The following CACNA1C variants were observed in gnomAD, a reference collection of about 807,000 sequenced individuals.
CACNA1C encodes calcium voltage-gated channel subunit alpha1 C.
A neutral mutation model predicts 229.0 loss-of-function variants in CACNA1C; 30 were observed. That is an observed-to-expected ratio of 0.13 (90% CI 0.10 to 0.18). The LOEUF (loss-of-function observed/expected upper bound fraction) is 0.18, where lower values mean the gene tolerates loss of function less well. CACNA1C is among the 10% of genes least tolerant of loss of function. The pLI, the probability that CACNA1C is intolerant of heterozygous loss-of-function variation, is 1.00. For synonymous variants in CACNA1C, 1,114 were observed against 1,132.5 expected, an observed-to-expected ratio of 0.98 and a Z score of 0.33; for missense variants, 1,658 against 2,845.0, an observed-to-expected ratio of 0.58 and a Z score of 9.49.
chr12:2,047,941 C>G (rs994370062), intron 1 of CACNA1C, among the ~76,000 whole-genome samples: 1 of 152,154 alleles, frequency 6.6e-6, no homozygotes, highest in South Asian at 2.1e-4. Flanking sequence ...CCCTTGTTTG[C>G]CTTTCACCAC....
chr12:2,158,550 A>G (rs568355076), intron 3 of CACNA1C, among the ~76,000 whole-genome samples: 130 of 152,282 alleles, frequency 8.5e-4, no homozygotes, highest in African/African-American at 3.1e-3. Flanking sequence ...GTTTCTAGAA[A>G]GAAGAAATGT....
intron 10 of CACNA1C, among the ~76,000 whole-genome samples, chr12:2,555,678 C>T (rs1392841982): frequency 2.0e-5 from 3 of 152,216 alleles, no homozygotes; most frequent in Admixed American, 6.5e-5. Flanking sequence ...GCAGTCTTTG[C>T]GGGTGGGATG....
chr12:2,687,365 G>A (rs1338090801), intron 45 of CACNA1C, among the ~76,000 whole-genome samples: 1 of 152,166 alleles, frequency 6.6e-6, no homozygotes, highest in East Asian at 1.9e-4. Context: ...TGTGACCCTA[G>A]AGGTGGTCTT....
chr12:2,154,699 C>G (rs146461434), intron 3 of CACNA1C, among the ~76,000 whole-genome samples: 1 of 152,220 alleles, frequency 6.6e-6, no homozygotes, highest in Non-Finnish European at 1.5e-5. Context: ...AGAACGCCCC[C>G]CTCTCTGATG....
At chr12:2,527,290 G>A (rs1219162532) in intron 9 of CACNA1C, among the ~76,000 whole-genome samples, 1 of 152,154 alleles carries the variant, frequency 6.6e-6, no homozygotes, top group African/African-American at 2.4e-5. Flanking sequence ...GGCCAGCACT[G>A]TTAAAGAATG....
rs1452677719 is a variant in CACNA1C, at chr12:2,085,212, T to C, written c.50-30012T>C. On this transcript the variant is annotated intron_variant, in intron 1 of 46. Coordinates refer to ENST00000399655, the MANE Select transcript of CACNA1C (RefSeq NM_000719.7). ...TGGATCAGCCAACTGCAGACCCTCC[T>C]GAGTGTATTAATCACACTGGTGATG... 2.6e-5 allele frequency among the ~76,000 whole-genome samples: 4 copies of C among 152,232 alleles called. No individual in the cohort carries two copies. The East Asian group carries it at 7.7e-4, about 29-fold the overall frequency.
intron 1 of CACNA1C, chr12:2,004,250 G>A (rs2042891166): frequency 5.0e-6 from 8 of 1,611,434 alleles, no homozygotes; most frequent in Non-Finnish European, 6.8e-6. Flanking sequence ...CCCCAACCCT[G>A]GGCTGCACTG....
chr12:2,063,238 G>A (rs1353630684), intron 1 of CACNA1C, among the ~76,000 whole-genome samples: 2 of 150,106 alleles, frequency 1.3e-5, no homozygotes, highest in African/African-American at 2.5e-5. Context: ...TGCAACCTCC[G>A]ACTCCCTGGT....
rs1379595275 is a variant in CACNA1C, at chr12:2,415,990, C to T, written c.478-32986C>T. Among the ~76,000 whole-genome samples, 8 of 152,126 alleles carry T rather than the reference C, an allele frequency of 5.3e-5. No individual in the cohort carries two copies. The East Asian group carries it at 9.6e-4, about 18-fold the overall frequency. On this transcript the variant is annotated intron_variant, in intron 3 of 46. Coordinates refer to ENST00000399655, the MANE Select transcript of CACNA1C (RefSeq NM_000719.7). ...TCCTCTCCCCTTCCCTTTCTGTCCT[C>T]TCAGAGGAGCCCAGGTTTCAGGCTT...
intron 3 of CACNA1C, among the ~76,000 whole-genome samples, chr12:2,379,287 G>C (rs1397817021): frequency 6.6e-6 from 1 of 152,200 alleles, no homozygotes; most frequent in Non-Finnish European, 1.5e-5. Context: ...CCATGTAACG[G>C]TGATGATAGG....
intron 45 of CACNA1C, among the ~76,000 whole-genome samples, chr12:2,687,099 T>C (rs557332188): frequency 5.3e-5 from 8 of 152,226 alleles, no homozygotes; most frequent in African/African-American, 1.9e-4. Flanking sequence ...AATAAACAGG[T>C]TTTCTTAGCC....
intron 3 of CACNA1C, among the ~76,000 whole-genome samples, chr12:2,261,335 G>A (rs1313212038): frequency 6.6e-6 from 1 of 152,168 alleles, no homozygotes; most frequent in African/African-American, 2.4e-5. Context: ...AAACAGAAGA[G>A]TGACATTGCT....
chr12:2,219,937 A>G (rs1006312851), intron 3 of CACNA1C, among the ~76,000 whole-genome samples: 12 of 152,164 alleles, frequency 7.9e-5, no homozygotes, highest in African/African-American at 2.9e-4. Flanking sequence ...AGAGCACTCT[A>G]TGATGTTGGT....
At chr12:2,618,465 G>A (rs995772116) in intron 29 of CACNA1C, among the ~76,000 whole-genome samples, 7 of 152,332 alleles carry the variant, frequency 4.6e-5, no homozygotes, top group Admixed American at 1.3e-4. Flanking sequence ...TCAGAGCAGC[G>A]GCTCATCAGC....
chr12:2,537,898 G>A (rs1568296591), intron 9 of CACNA1C, among the ~76,000 whole-genome samples: 1 of 152,056 alleles, frequency 6.6e-6, no homozygotes, highest in Non-Finnish European at 1.5e-5. Context: ...GGTGGGGTGG[G>A]GGTGGGAGAG....
intron 10 of CACNA1C, among the ~76,000 whole-genome samples, chr12:2,554,840 G>A (rs1356956541): frequency 1.3e-5 from 2 of 152,320 alleles, no homozygotes; most frequent in Non-Finnish European, 2.9e-5. Context: ...GCTGAGCAGT[G>A]TCCTCCCCTT....
At chr12:2,550,448 A>G in intron 10 of CACNA1C, 2 of 1,072,678 alleles carry the variant, frequency 1.9e-6, no homozygotes, top group Non-Finnish European at 2.5e-6. Context: ...TTCCATTCTG[A>G]TAAATGTGAC....
chr12:2,530,532 A>C (rs1035907558), intron 9 of CACNA1C, among the ~76,000 whole-genome samples: 23 of 152,286 alleles, frequency 1.5e-4, no homozygotes, highest in African/African-American at 5.3e-4. Flanking sequence ...GGCCAGAAGG[A>C]CCATGATGGA....
intron 3 of CACNA1C, among the ~76,000 whole-genome samples, chr12:2,363,469 G>A (rs897314722): frequency 6.6e-6 from 1 of 152,170 alleles, no homozygotes; most frequent in African/African-American, 2.4e-5. Flanking sequence ...TTCAGCTGTC[G>A]GAGGAGAGGT....
Sources: allele counts gnomAD v4.1 joint callset (sites outside exome capture counted in the v4.1 genomes callset), GRCh38; gene constraint gnomAD v4.1.1; transcripts MANE v1.5; gene names NCBI Gene and HGNC (gene_info 2026-07-23, HGNC 2026-07-21).